Variants in GCA observed in about 807,000 individuals in gnomAD.
The protein encoded by GCA is grancalcin.
GCA carries 30 observed loss-of-function variants against 32.6 expected under a neutral mutation model. The ratio of observed to expected loss-of-function variants is 0.92; its 90% CI spans 0.69 to 1.25. The LOEUF is 1.25. Ranked by LOEUF, GCA falls within the 50% of genes most tolerant of loss-of-function variation. GCA has a pLI of 0.00. For synonymous variants in GCA, 102 were observed against 84.6 expected, an observed-to-expected ratio of 1.21 and a Z score of -1.13; for missense variants, 291 against 266.8, an observed-to-expected ratio of 1.09 and a Z score of -0.63.
In GCA at chr2:162,352,499, A is replaced by T. The variant is rs558556536; in HGVS notation, c.262+92A>T. Reference sequence around the variant, plus strand: ...CTGTAATTAAAATGTTTAAAAAATTATCACAGTTATACATGCACATAGTTT... The same window carrying T: ...CTGTAATTAAAATGTTTAAAAAATTTTCACAGTTATACATGCACATAGTTT... On this transcript the variant is annotated intron_variant, in intron 3 of 7. Transcript: ENST00000437150. 1.0e-4 allele frequency: 81 copies of T among 789,748 alleles called. 3 individuals are homozygous for T. In the South Asian group the frequency reaches 1.2e-3, roughly 12 times the overall value. 48.9% of individuals were successfully genotyped at this position (789,748 alleles called of 1,614,324 possible). A position where few individuals can be genotyped will look rare whatever the true frequency, so the allele number is the denominator to read the frequency against.
At chr2:162,365,473 G>A (rs892407977), downstream of GCA, among the ~76,000 whole-genome samples, 10 of 151,568 alleles carry the variant, frequency 6.6e-5, no homozygotes, top group East Asian at 3.9e-4. Context: ...TTTCAAAAGC[G>A]TTATGATTTC....
chr2:162,345,125 G>GGTT (rs1272129825), intron 1 of GCA, among the ~76,000 whole-genome samples: 2 of 140,304 alleles, frequency 1.4e-5, no homozygotes, highest in Admixed American at 2.0e-4. Flanking sequence ...TGGTGGTGGT[G>GGTT]GTGGTGGTGG....
At chr2:162,336,284 A>T (rs563804287) in intron 1 of GCA, among the ~76,000 whole-genome samples, 1 of 152,216 alleles carries the variant, frequency 6.6e-6, no homozygotes, top group African/African-American at 2.4e-5. Context: ...CCTTCTAAAC[A>T]TGTATTTATT....
intron 5 of GCA, among the ~76,000 whole-genome samples, chr2:162,358,807 T>C (rs904078026): frequency 6.6e-5 from 10 of 151,480 alleles, no homozygotes; most frequent in African/African-American, 2.4e-4. Context: ...AAGAGAATTA[T>C]TTTCTTTTCC....
chr2:162,346,583 A>G (rs1414924708), intron 1 of GCA: 1 of 152,242 alleles, frequency 6.6e-6, no homozygotes. Flanking sequence ...CTCTCTTAGA[A>G]GCTGACTGCC....
chr2:162,364,187 T>C (rs1168139626), downstream of GCA, among the ~76,000 whole-genome samples: 3 of 151,578 alleles, frequency 2.0e-5, no homozygotes, highest in African/African-American at 4.8e-5. Flanking sequence ...TACATACAGA[T>C]ATTTGCATTC....
At chr2:162,358,096 A>G (rs1206175767) in intron 5 of GCA, among the ~76,000 whole-genome samples, 2 of 151,262 alleles carry the variant, frequency 1.3e-5, no homozygotes, top group African/African-American at 2.4e-5. Flanking sequence ...CTCCTGTTAC[A>G]TTTATTTTGG....
At chr2:162,341,386 T>C (rs1410611154), upstream of GCA, among the ~76,000 whole-genome samples, 1 of 150,084 alleles carries the variant, frequency 6.7e-6, no homozygotes. Context: ...ATTCATATAG[T>C]GGGAAAGAGA....
In GCA at chr2:162,361,861, TGATA is replaced by T. The variant is rs1685586013; in HGVS notation, c.*1619_*1622del. 1.0e-6 allele frequency: 1 copy of T among 984,122 alleles called. No individual in the cohort carries two copies. Among genetic ancestry groups the T allele is most frequent in the Admixed American group, 6.2e-5 (1 of 16,146 alleles). The allele number at this position is 984,122 out of a possible 1,614,324, so 61.0% of individuals were successfully genotyped here. A position where few individuals can be genotyped will look rare whatever the true frequency, so the allele number is the denominator to read the frequency against. On this transcript the variant is annotated 3_prime_UTR_variant, in exon 8 of 8. Transcript: ENST00000437150. ...ACTAAGTGTCGTTCACATCGAATGG[TGATA>T]ATGTCGCTCAGCAACCTGTAATCTT...
rs1685513102 is a variant in GCA at position 162,360,337 on chromosome 2, G to T, written c.*94G>T. 6.6e-7 allele frequency: 1 copy of T among 1,511,070 alleles called. No homozygotes were observed. Among genetic ancestry groups the T allele is most frequent in the African/African-American group, 1.4e-5 (1 of 69,170 alleles). The allele number at this position is 1,511,070 out of a possible 1,614,324, so 93.6% of individuals were successfully genotyped here. A position where few individuals can be genotyped will look rare whatever the true frequency, so the allele number is the denominator to read the frequency against. Reference sequence around the variant, plus strand: ...TTTAAAACTTTTAAGGGTTTTCTATGTTCTTCCTACCTGTTAAACCTCTTC... The same window carrying T: ...TTTAAAACTTTTAAGGGTTTTCTATTTTCTTCCTACCTGTTAAACCTCTTC... On this transcript the variant is annotated 3_prime_UTR_variant, in exon 8 of 8. Transcript: ENST00000437150.
In GCA at chr2:162,356,858, G is replaced by T; in HGVS notation, c.407G>T (p.Ser136Ile). 6.2e-7 allele frequency: 1 copy of T among 1,610,328 alleles called. No homozygotes were observed. Residue 136 changes from serine to isoleucine, a missense_variant, in exon 5 of 8, where the codon AGT (serine) becomes ATT (isoleucine). Physicochemically the swap from Ser to Ile is moderately radical, Grantham distance 142. Transcript: ENST00000437150. ...ENFMTVDQDG[S>I]GTVEHHELRQ... ...TTCATGACTGTTGATCAAGATGGAAGTGGCACAGTAGAACATCATGAGTTG... is the reference window on the plus strand; with the variant it reads ...TTCATGACTGTTGATCAAGATGGAATTGGCACAGTAGAACATCATGAGTTG...
chr2:162,334,492 G>T (rs968925908), intron 1 of GCA, among the ~76,000 whole-genome samples: 51 of 152,270 alleles, frequency 3.3e-4, no homozygotes, highest in East Asian at 3.9e-4. Context: ...TCAGGGAAAA[G>T]GGTATAAATA....
rs572941811 is a variant in GCA, at chr2:162,320,310, C to T, written c.-31+1085C>T. The stretch of plus-strand genomic sequence containing the variant: ...AGGATAATCCAATTAGATGTTTCTA[C>T]AAAAGCACTCAAATTATTAATTTTA... On this transcript the variant is annotated intron_variant, in intron 1 of 4. Transcript: ENST00000429691. Among the ~76,000 whole-genome samples the T allele has an allele frequency of 3.3e-5, 5 of 152,282 alleles. No homozygotes were observed. The East Asian group carries it at 9.7e-4, about 29-fold the overall frequency.
intron 5 of GCA, among the ~76,000 whole-genome samples, chr2:162,358,758 A>G (rs752152487): frequency 6.6e-6 from 1 of 151,432 alleles, no homozygotes; most frequent in Non-Finnish European, 1.5e-5. Context: ...ATGAAATTAG[A>G]CATTATTTCA....
intron 4 of GCA, 28 bp from the exon 5 acceptor site, chr2:162,356,730 A>G (rs1244736963): frequency 1.9e-6 from 3 of 1,552,540 alleles, no homozygotes; most frequent in Non-Finnish European, 2.7e-6. Flanking sequence ...CAGGTATCAG[A>G]ATTTATTTTT....
chr2:162,366,226 A>C (rs1414663940), downstream of GCA, among the ~76,000 whole-genome samples: 2 of 151,732 alleles, frequency 1.3e-5, no homozygotes, highest in African/African-American at 4.8e-5. Context: ...TAATATTGCC[A>C]CTTCTCATAA....
At chr2:162,334,342 T>C (rs138828240) in intron 1 of GCA, among the ~76,000 whole-genome samples, 3 of 152,230 alleles carry the variant, frequency 2.0e-5, no homozygotes, top group African/African-American at 7.2e-5. Flanking sequence ...GGCTATAATT[T>C]CAACTTAAAA....
intron 1 of GCA, among the ~76,000 whole-genome samples, chr2:162,336,522 C>T (rs1006912081): frequency 4.6e-5 from 7 of 152,082 alleles, no homozygotes; most frequent in Admixed American, 3.9e-4. Context: ...TAGGTAACAT[C>T]CTCCTTTCTC....
At chr2:162,353,265 C>T (rs1171538058) in intron 3 of GCA, among the ~76,000 whole-genome samples, 1 of 152,010 alleles carries the variant, frequency 6.6e-6, no homozygotes, top group Non-Finnish European at 1.5e-5. Flanking sequence ...GTTAAGAGAT[C>T]GAGAGCACCC....
Sources: allele counts gnomAD v4.1 joint callset (sites outside exome capture counted in the v4.1 genomes callset), GRCh38; gene constraint gnomAD v4.1.1; transcripts MANE v1.5; gene names NCBI Gene and HGNC (gene_info 2026-07-23, HGNC 2026-07-21).